The following CDH3 variants were observed in gnomAD, a reference collection of about 807,000 sequenced individuals.
CDH3 encodes the protein cadherin-3.
In CDH3, 54 loss-of-function variants were observed where a neutral mutation model predicts 82.0. The ratio of observed to expected loss-of-function variants is 0.66; its 90% CI spans 0.53 to 0.83. The LOEUF (loss-of-function observed/expected upper bound fraction) is 0.83. CDH3 is among the 40% of genes least tolerant of loss of function. CDH3 has a pLI of 0.00. For synonymous variants in CDH3, 446 were observed against 437.9 expected (o/e 1.02, Z -0.23); for missense variants, 1,054 against 1,084.6 (o/e 0.97, Z 0.40).
chr16:68,667,192 A>C (rs1008392054), intron 2 of CDH3, among the ~76,000 whole-genome samples: 2 of 152,116 alleles, frequency 1.3e-5, no homozygotes, highest in African/African-American at 4.8e-5. Flanking sequence ...TCTTCAAGTC[A>C]CTTCCACCTA....
the CDH3 span, among the ~76,000 whole-genome samples, chr16:68,733,470 C>G: frequency 6.6e-6 from 1 of 152,104 alleles, no homozygotes; most frequent in East Asian, 2.0e-4. Context: ...AGGGCAGGCA[C>G]AGTGGCTCAC....
At chr16:68,694,153 C>CT (rs1961645056) in intron 13 of CDH3, among the ~76,000 whole-genome samples, 1 of 151,596 alleles carries the variant, frequency 6.6e-6, no homozygotes. Flanking sequence ...GAGCGAGACT[C>CT]TGTTTCAAAA....
At chr16:68,645,840 G>A in intron 2 of CDH3, 90 bp downstream of exon 2, 1 of 989,770 alleles carries the variant, frequency 1.0e-6, no homozygotes, top group Admixed American at 2.3e-5. Context: ...CCGGGGCAAG[G>A]GACTCCTGGC....
chr16:68,685,790 G>C (rs1459585474), intron 11 of CDH3, among the ~76,000 whole-genome samples: 1 of 152,224 alleles, frequency 6.6e-6, no homozygotes, highest in Non-Finnish European at 1.5e-5. Flanking sequence ...CTGGGTGACA[G>C]AGCGAGACTA....
At chr16:68,676,505 A>G (rs1007376972) in intron 3 of CDH3, 35 bp downstream of exon 3, 41 of 1,537,662 alleles carry the variant, frequency 2.7e-5, no homozygotes, top group Non-Finnish European at 3.5e-5. Context: ...GACAAAAGAA[A>G]GATGTTCTCT....
At chr16:68,702,238 C>T (rs1961906293), downstream of CDH3, among the ~76,000 whole-genome samples, 1 of 152,088 alleles carries the variant, frequency 6.6e-6, no homozygotes, top group African/African-American at 2.4e-5. Context: ...GGCATATTGA[C>T]TTACTGTCCC....
At chr16:68,689,156 T>C (rs1396592146) in intron 12 of CDH3, among the ~76,000 whole-genome samples, 2 of 152,194 alleles carry the variant, frequency 1.3e-5, no homozygotes, top group Non-Finnish European at 2.9e-5. Flanking sequence ...TAAGCCTCAA[T>C]TTCTGCATTT....
rs1961342104 is a variant in CDH3 at position 68,684,505 on chromosome 16, C to A, written c.1183-78C>A. ...CAAGCCCCTCAGTATTGGTGTTTTC[C>A]TTCTCACATCTCAACTGTCCTGCAC... On this transcript the variant is annotated intron_variant, in intron 9 of 15. Coordinates refer to ENST00000264012, the MANE Select transcript of CDH3 (RefSeq NM_001793.6). 9 of 1,566,646 alleles carry A rather than the reference C, an allele frequency of 5.7e-6. No homozygotes were observed. In the South Asian group the frequency reaches 7.8e-5, roughly 14 times the overall value.
chr16:68,679,039 C>T (rs551842887), intron 6 of CDH3, 133 bp downstream of exon 6: 2 of 885,486 alleles, frequency 2.3e-6, no homozygotes, highest in African/African-American at 3.3e-5. Context: ...AGATTTCCCC[C>T]CTTCCATCCC....
chr16:68,677,473 C>T (rs920296361), intron 3 of CDH3, among the ~76,000 whole-genome samples: 2 of 152,204 alleles, frequency 1.3e-5, no homozygotes, highest in Non-Finnish European at 2.9e-5. Context: ...TGCGGTGGCT[C>T]ACGCGTGTAA....
At chr16:68,649,310 T>C (rs781143032) in intron 2 of CDH3, among the ~76,000 whole-genome samples, 11 of 152,222 alleles carry the variant, frequency 7.2e-5, no homozygotes, top group South Asian at 2.1e-4. Context: ...AGTTCAATAA[T>C]GCATCTGACT....
At chr16:68,713,134 T>C (rs1225138973) in intron 1 of CDH3, among the ~76,000 whole-genome samples, 3 of 152,138 alleles carry the variant, frequency 2.0e-5, no homozygotes, top group Non-Finnish European at 4.4e-5. Flanking sequence ...TTGTTTTTGG[T>C]TGACTACTCT....
downstream of CDH3, among the ~76,000 whole-genome samples, chr16:68,732,172 T>C (rs1470757390): frequency 1.5e-4 from 22 of 151,390 alleles, 1 homozygote. Flanking sequence ...CAGCAGAGGT[T>C]TCAGGAGCCT....
intron 2 of CDH3, among the ~76,000 whole-genome samples, chr16:68,668,790 A>G (rs1960809469): frequency 6.6e-6 from 1 of 152,220 alleles, no homozygotes; most frequent in African/African-American, 2.4e-5. Context: ...TCGATGGTAT[A>G]CATAGAAAGA....
At chr16:68,677,620 C>G (rs186920984) in intron 3 of CDH3, among the ~76,000 whole-genome samples, 75 of 152,164 alleles carry the variant, frequency 4.9e-4, no homozygotes, top group Non-Finnish European at 5.9e-5. Flanking sequence ...TGCCTGTAAT[C>G]CCAGCTACTC....
In CDH3 at chr16:68,707,004, G is replaced by A. The variant is rs1961973114; in HGVS notation, c.99+11081G>A. Among the ~76,000 whole-genome samples the A allele has an allele frequency of 5.9e-5, 9 of 152,150 alleles. No homozygotes were observed. The highest frequency in any genetic ancestry group is 5.9e-4 in the Admixed American group (9 of 15,270). On this transcript the variant is annotated intron_variant, in intron 1 of 2. Coordinates refer to the CDH3 transcript ENST00000569080. This position sits in a 1 kb window ranked among gnomAD's most constrained non-coding sequence, Gnocchi z 4.5. ...GGTCTAGTAAAAGTGAAGCATGGAGGAAAATGGAGCTGGGATGGGGCCTAG... is the reference window on the plus strand; with the variant it reads ...GGTCTAGTAAAAGTGAAGCATGGAGAAAAATGGAGCTGGGATGGGGCCTAG...
At chr16:68,661,017 T>G (rs1404664081) in intron 2 of CDH3, among the ~76,000 whole-genome samples, 1 of 151,918 alleles carries the variant, frequency 6.6e-6, no homozygotes, top group Admixed American at 6.6e-5. Flanking sequence ...ATTCCCATGA[T>G]TCAAGACTTA....
intron 2 of CDH3, among the ~76,000 whole-genome samples, chr16:68,661,394 C>T (rs1452867613): frequency 2.0e-5 from 3 of 152,056 alleles, no homozygotes; most frequent in South Asian, 2.1e-4. Flanking sequence ...ATGGGGATCT[C>T]ATATGGTTAT....
intron 1 of CDH3, among the ~76,000 whole-genome samples, chr16:68,719,432 G>A (rs965576597): frequency 2.6e-5 from 4 of 151,612 alleles, no homozygotes; most frequent in East Asian, 1.9e-4. Context: ...AGTGGTTGTC[G>A]GGGACCAGGA....
Sources: allele counts gnomAD v4.1 joint callset (sites outside exome capture counted in the v4.1 genomes callset), GRCh38; gene constraint gnomAD v4.1.1; non-coding constraint Gnocchi (gnomAD v3.1); transcripts MANE v1.5; gene names NCBI Gene and HGNC (gene_info 2026-07-23, HGNC 2026-07-21).